Variants in CCDC171 observed in about 807,000 individuals in gnomAD.
CCDC171 encodes the protein coiled-coil domain containing 171, also known as coiled-coil domain-containing protein 171.
CCDC171 carries 177 observed loss-of-function variants against 168.2 expected under a neutral mutation model. The observed-to-expected ratio is 1.05, with a 90% CI of 0.93 to 1.19. The LOEUF is 1.19. Among genes scored for constraint, CCDC171 ranks in the 50% most tolerant of loss-of-function variants. CCDC171 has a pLI of 0.00. For missense variants in CCDC171, 1,991 were observed against 1,539.0 expected (o/e 1.29, Z -4.91); for synonymous variants, 687 against 540.8 (o/e 1.27, Z -3.75).
chr9:15,955,673 C>G (rs374794620), intron 25 of CCDC171, among the ~76,000 whole-genome samples: 85 of 152,256 alleles, frequency 5.6e-4, no homozygotes, highest in African/African-American at 2.0e-3. Context: ...AAAATGCTTT[C>G]ATCAGACAGA....
chr9:15,561,083 C>T (rs995913493), intron 1 of CCDC171, among the ~76,000 whole-genome samples: 3 of 152,174 alleles, frequency 2.0e-5, no homozygotes, highest in Non-Finnish European at 4.4e-5. Context: ...CTGGGAGCTA[C>T]AGACTGGAGC....
At chr9:16,005,663 AATTAGGT>A (rs1300942316) in intron 3 of CCDC171, among the ~76,000 whole-genome samples, 1 of 152,188 alleles carries the variant, frequency 6.6e-6, no homozygotes, top group Non-Finnish European at 1.5e-5. Flanking sequence ...CGTTACATTG[AATTAGGT>A]ATTATAAGTA....
At chr9:15,617,003 A>C (rs756880277) in intron 6 of CCDC171, among the ~76,000 whole-genome samples, 4 of 152,212 alleles carry the variant, frequency 2.6e-5, no homozygotes, top group Admixed American at 2.0e-4. Flanking sequence ...GCTTACAATA[A>C]TGGTGGAAGG....
chr9:15,624,174 G>T (rs2044828992), intron 7 of CCDC171, among the ~76,000 whole-genome samples: 2 of 152,088 alleles, frequency 1.3e-5, no homozygotes, highest in South Asian at 4.2e-4. Flanking sequence ...CTTTTGGGAG[G>T]AAGGAAGTGT....
At chr9:15,873,158 T>C (rs770490973) in intron 23 of CCDC171, among the ~76,000 whole-genome samples, 1 of 152,078 alleles carries the variant, frequency 6.6e-6, no homozygotes, top group African/African-American at 2.4e-5. Context: ...GCCCATAGAT[T>C]AGCGTGAACA....
chr9:15,993,013 T>C (rs1832250059), intron 3 of CCDC171, among the ~76,000 whole-genome samples: 1 of 152,204 alleles, frequency 6.6e-6, no homozygotes, highest in East Asian at 1.9e-4. Flanking sequence ...AAAATGGCCA[T>C]ACTTCCCAAG....
chr9:15,950,108 A>G (rs1375173091), intron 25 of CCDC171, among the ~76,000 whole-genome samples: 1 of 152,184 alleles, frequency 6.6e-6, no homozygotes, highest in African/African-American at 2.4e-5. Flanking sequence ...AAAGCCTCCA[A>G]GAAATATGGG....
intron 7 of CCDC171, among the ~76,000 whole-genome samples, chr9:15,624,358 C>T (rs2044849224): frequency 1.3e-5 from 2 of 152,182 alleles, no homozygotes; most frequent in African/African-American, 4.8e-5. Flanking sequence ...TACATGTGCA[C>T]AACATTCAGG....
chr9:15,555,456 G>A (rs181324878), intron 1 of CCDC171, among the ~76,000 whole-genome samples: 15 of 152,128 alleles, frequency 9.9e-5, no homozygotes, highest in African/African-American at 3.1e-4. Context: ...TGTCAGTTTC[G>A]ATACGGGGAA....
chr9:15,709,215 C>T (rs1031842790), intron 11 of CCDC171, among the ~76,000 whole-genome samples: 5 of 151,872 alleles, frequency 3.3e-5, no homozygotes, highest in Non-Finnish European at 5.9e-5. Context: ...CCTCCTACTC[C>T]GAAAAAACCC....
chr9:15,996,497 A>T lies in CCDC171; in HGVS notation n.369-24092A>T, dbSNP rs150848565. Reference sequence around the variant, plus strand: ...ATTGTGCACCTGTGTTTTGACTGAAACCCATCACATGAGGTCGGGTGTGGA... The same window carrying T: ...ATTGTGCACCTGTGTTTTGACTGAATCCCATCACATGAGGTCGGGTGTGGA... On this transcript the variant is annotated intron_variant and non_coding_transcript_variant, in intron 3 of 9. Coordinates refer to the CCDC171 transcript ENST00000486641. Among the ~76,000 whole-genome samples, 14 of 148,044 alleles carry T rather than the reference A, an allele frequency of 9.5e-5. No homozygotes were observed. In the East Asian group the frequency reaches 2.4e-3, roughly 25 times the overall value.
chr9:15,879,496 A>G (rs181721342), intron 24 of CCDC171, among the ~76,000 whole-genome samples: 5 of 152,296 alleles, frequency 3.3e-5, no homozygotes, highest in Admixed American at 3.3e-4. Flanking sequence ...ATTGTTAATT[A>G]TAATTTCCCT....
chr9:16,093,788 C>T, the CCDC171 span, among the ~76,000 whole-genome samples: 2 of 152,168 alleles, frequency 1.3e-5, no homozygotes, highest in African/African-American at 2.4e-5. Flanking sequence ...AGTACCCTGC[C>T]TCTCAGCCTC....
chr9:15,701,611 G>A (rs563697716), intron 11 of CCDC171, among the ~76,000 whole-genome samples: 129 of 132,190 alleles, frequency 9.8e-4, no homozygotes, highest in African/African-American at 3.4e-3. Flanking sequence ...ACAGAGTATC[G>A]CACTGTTGTC....
intron 3 of CCDC171, among the ~76,000 whole-genome samples, chr9:15,572,440 C>T (rs547379117): frequency 7.4e-4 from 112 of 152,230 alleles, no homozygotes; most frequent in African/African-American, 2.4e-3. Context: ...TTACAAGATG[C>T]GTCATCTTGG....
At chr9:15,643,596 T>C (rs2046807146) in intron 7 of CCDC171, among the ~76,000 whole-genome samples, 2 of 152,208 alleles carry the variant, frequency 1.3e-5, no homozygotes, top group Non-Finnish European at 2.9e-5. Flanking sequence ...AACTCACCCT[T>C]TAAAAGTATA....
intron 11 of CCDC171, among the ~76,000 whole-genome samples, chr9:15,715,821 CAAT>C (rs1164901486): frequency 6.6e-6 from 1 of 152,102 alleles, no homozygotes; most frequent in African/African-American, 2.4e-5. Context: ...GCTTGAAAAA[CAAT>C]GATTTATATG....
At chr9:15,892,801 GA>G (rs1820397121) in intron 24 of CCDC171, among the ~76,000 whole-genome samples, 1 of 152,010 alleles carries the variant, frequency 6.6e-6, no homozygotes, top group African/African-American at 2.4e-5. Flanking sequence ...CAAACAAATG[GA>G]AAAATATTCC....
chr9:15,661,849 C>T (rs2048347268), intron 8 of CCDC171, among the ~76,000 whole-genome samples: 1 of 151,972 alleles, frequency 6.6e-6, no homozygotes, highest in Non-Finnish European at 1.5e-5. Flanking sequence ...GAAAATATTC[C>T]CCAGATTTAC....
Sources: allele counts gnomAD v4.1 joint callset (sites outside exome capture counted in the v4.1 genomes callset), GRCh38; gene constraint gnomAD v4.1.1; transcripts MANE v1.5; gene names NCBI Gene and HGNC (gene_info 2026-07-23, HGNC 2026-07-21).